PAH: variants seen among roughly 807,000 people sequenced by gnomAD.
The protein encoded by PAH is phenylalanine hydroxylase.
A neutral mutation model predicts 62.0 loss-of-function variants in PAH; 64 were observed. The observed-to-expected ratio is 1.03, with a 90% CI of 0.84 to 1.27. The LOEUF (loss-of-function observed/expected upper bound fraction) is 1.27, where lower values mean the gene tolerates loss of function less well. PAH is among the 50% of genes most tolerant of loss of function. The pLI is 0.00. For synonymous variants in PAH, 195 were observed against 196.2 expected (o/e 0.99, Z 0.05); for missense variants, 579 against 542.8 (o/e 1.07, Z -0.66).
chr12:102,854,875 A>G, intron 6 of PAH: 1 of 538,762 alleles, frequency 1.9e-6, no homozygotes, highest in South Asian at 2.0e-5. Flanking sequence ...GTGTGAAAGA[A>G]AATACTTTTC....
chr12:102,840,254 C>A, intron 12 of PAH, 146 bp downstream of exon 12: 1 of 648,708 alleles, frequency 1.5e-6, no homozygotes, highest in South Asian at 1.7e-5. Flanking sequence ...TCTTCTCCAT[C>A]AATGAACCCA....
chr12:102,930,997 G>T (rs1441154116), intron 1 of PAH, among the ~76,000 whole-genome samples: 2 of 152,022 alleles, frequency 1.3e-5, no homozygotes, highest in Non-Finnish European at 2.9e-5. Flanking sequence ...TCTCTCTGAA[G>T]ATAATGAAAG....
At chr12:102,926,779 A>G (rs1417404297) in intron 1 of PAH, among the ~76,000 whole-genome samples, 3 of 152,088 alleles carry the variant, frequency 2.0e-5, no homozygotes, top group African/African-American at 7.2e-5. Flanking sequence ...ACTTTACTGC[A>G]TTTTATTACT....
upstream of PAH, among the ~76,000 whole-genome samples, chr12:102,922,145 T>C (rs1391514201): frequency 6.6e-6 from 1 of 151,746 alleles, no homozygotes; most frequent in Non-Finnish European, 1.5e-5. Flanking sequence ...ATTCCTTCCC[T>C]CCTTTTCTTA....
chr12:102,877,286 T>C, intron 4 of PAH, 176 bp downstream of exon 4: 1 of 668,802 alleles, frequency 1.5e-6, no homozygotes, highest in Non-Finnish European at 2.7e-6. Context: ...ACCATGATAA[T>C]GATGATGACA....
At chr12:102,929,493 C>G (rs984678709) in intron 1 of PAH, among the ~76,000 whole-genome samples, 1 of 152,200 alleles carries the variant, frequency 6.6e-6, no homozygotes. Flanking sequence ...GTTGAAGATG[C>G]GAGTGGAAAG....
At chr12:102,878,531 G>C (rs1210691666) in intron 3 of PAH, among the ~76,000 whole-genome samples, 1 of 152,038 alleles carries the variant, frequency 6.6e-6, no homozygotes, top group Non-Finnish European at 1.5e-5. Context: ...ATTTTCCCAG[G>C]AATGAACAGA....
chr12:102,871,064 C>T (rs1429981708), intron 4 of PAH, among the ~76,000 whole-genome samples: 6 of 152,198 alleles, frequency 3.9e-5, no homozygotes, highest in African/African-American at 1.4e-4. Flanking sequence ...ATTCGACCAC[C>T]ACCATTTCTT....
chr12:102,859,630 C>A (rs1202779301), intron 5 of PAH, among the ~76,000 whole-genome samples: 1 of 152,200 alleles, frequency 6.6e-6, no homozygotes, highest in Non-Finnish European at 1.5e-5. Flanking sequence ...CCACCACGAT[C>A]AAGTGGGCTT....
At position 102,861,933 on chromosome 12, in the gene PAH, ACG is replaced by A. The variant is rs1442232654; in HGVS notation, c.509+4661_509+4662del. Among the ~76,000 whole-genome samples, 3 of 145,918 alleles carry A rather than the reference ACG, an allele frequency of 2.1e-5. No individual in the cohort carries two copies. In the East Asian group the frequency reaches 5.9e-4, roughly 29 times the overall value. On this transcript the variant is annotated intron_variant, in intron 5 of 12. Coordinates refer to ENST00000553106, the MANE Select transcript of PAH (RefSeq NM_000277.3). ...ATGTATACATATGTAACAAACCTGC[ACG>A]TTGTGCACATGTACCCTAGAACTTA... is the stretch of plus-strand genomic sequence containing the variant.
Position 102,838,819 on chromosome 12 carries a change from A to G in PAH, c.*356T>C, listed in dbSNP as rs910288077. The G allele has an allele frequency of 2.2e-5, 6 of 271,922 alleles. No individual in the cohort carries two copies. The highest frequency in any genetic ancestry group is 5.4e-5 in the South Asian group (1 of 18,502). 16.8% of individuals were successfully genotyped at this position (271,922 alleles called of 1,614,324 possible). On this transcript the variant is annotated 3_prime_UTR_variant, in exon 13 of 13. Transcript: ENST00000553106. Reference sequence around the variant, plus strand: ...TCTTGTGTTTTACATTTAGCCTTATATGCTCCTTTATGAGTTCTCTGCAAA... The same window carrying G: ...TCTTGTGTTTTACATTTAGCCTTATGTGCTCCTTTATGAGTTCTCTGCAAA...
intron 12 of PAH, among the ~76,000 whole-genome samples, chr12:102,840,020 G>A (rs1874514946): frequency 6.6e-6 from 1 of 152,124 alleles, no homozygotes; most frequent in Admixed American, 6.6e-5. Flanking sequence ...AAGAGTGGAA[G>A]GCCAACAGAT....
intron 10 of PAH, 42 bp from the exon 11 acceptor site, chr12:102,843,821 G>A: frequency 6.2e-7 from 1 of 1,604,456 alleles, no homozygotes; most frequent in Non-Finnish European, 8.5e-7. Context: ...TGTTAAATCA[G>A]GATCAGTATT....
chr12:102,901,383 T>C (rs1372223415), intron 2 of PAH, among the ~76,000 whole-genome samples: 9 of 152,204 alleles, frequency 5.9e-5, no homozygotes, highest in Admixed American at 5.9e-4. Context: ...GGCAGCTTAA[T>C]GAGAGTTTAA....
intron 2 of PAH, among the ~76,000 whole-genome samples, chr12:102,901,598 T>A (rs899122102): frequency 9.2e-5 from 14 of 151,454 alleles, no homozygotes; most frequent in Admixed American, 5.2e-4. Context: ...CTCTTTTTTT[T>A]AATTTTTTTT....
chr12:102,875,881 TACACACAAAC>T (rs1205775898), intron 4 of PAH, among the ~76,000 whole-genome samples: 1 of 150,298 alleles, frequency 6.7e-6, no homozygotes, highest in African/African-American at 2.5e-5. Flanking sequence ...TGACAGTTAA[TACACACAAAC>T]ACACACACAC....
chr12:102,892,273 C>A (rs781409694), intron 3 of PAH, among the ~76,000 whole-genome samples: 16 of 152,212 alleles, frequency 1.1e-4, no homozygotes, highest in Non-Finnish European at 2.1e-4. Context: ...GATCTTGTCT[C>A]ATTTTAAAGC....
In PAH at chr12:102,938,794, C is replaced by G. The variant is rs139610090; in HGVS notation, c.-96+11795G>C. Among the ~76,000 whole-genome samples, 359 of 152,278 alleles carry G rather than the reference C, an allele frequency of 2.4e-3. 1 individual carries two copies. The highest frequency in any genetic ancestry group is 4.4e-3 in the Non-Finnish European group (296 of 68,026). On this transcript the variant is annotated intron_variant, in intron 1 of 3. Transcript: ENST00000546844. The stretch of plus-strand genomic sequence containing the variant: ...CCAACATGCTGTAGTAGATGCCATA[C>G]AGAAAAGGAGCCAGATTATTCTTGA...
intron 1 of PAH, among the ~76,000 whole-genome samples, chr12:102,956,029 ACACT>A (rs1179939700): frequency 3.3e-5 from 5 of 152,146 alleles, no homozygotes; most frequent in Non-Finnish European, 5.9e-5. Flanking sequence ...TGTTCCAGAA[ACACT>A]CAGCCAGCCC....
Sources: gnomAD v4.1 joint callset for allele counts (sites outside exome capture counted in the v4.1 genomes callset) on GRCh38, gnomAD v4.1.1 for gene constraint, MANE v1.5 for transcripts, NCBI Gene and HGNC (gene_info 2026-07-23, HGNC 2026-07-21) for gene names.